SOX6: variants seen among roughly 807,000 people sequenced by gnomAD.
SOX6 encodes transcription factor SOX-6.
A neutral mutation model predicts 97.8 loss-of-function variants in SOX6; 11 were observed. That is an observed-to-expected ratio of 0.11 (90% CI 0.07 to 0.19). SOX6 has a LOEUF of 0.19. SOX6 is among the 10% of genes least tolerant of loss of function. The pLI, the probability that SOX6 is intolerant of heterozygous loss-of-function variation, is 1.00. For missense variants in SOX6, 810 were observed against 1,039.5 expected, an observed-to-expected ratio of 0.78 and a Z score of 3.04; for synonymous variants, 360 against 371.4, an observed-to-expected ratio of 0.97 and a Z score of 0.35.
chr11:16,622,708 A>G (rs1195819620), intron 3 of SOX6, among the ~76,000 whole-genome samples: 4 of 152,242 alleles, frequency 2.6e-5, no homozygotes, highest in South Asian at 4.1e-4. Flanking sequence ...TGCAATTGTG[A>G]ATTGTGCTGC....
At chr11:16,668,903 T>C (rs1040669663) in intron 3 of SOX6, among the ~76,000 whole-genome samples, 2 of 152,222 alleles carry the variant, frequency 1.3e-5, no homozygotes, top group Non-Finnish European at 2.9e-5. Flanking sequence ...CAAATATTAC[T>C]AGCATGAAGA....
intron 3 of SOX6, among the ~76,000 whole-genome samples, chr11:16,649,303 C>A (rs1849058872): frequency 6.6e-6 from 1 of 152,140 alleles, no homozygotes; most frequent in South Asian, 2.1e-4. Flanking sequence ...AGATCATCAC[C>A]TAGGCATATA....
chr11:16,378,944 T>A lies in SOX6; in HGVS notation c.-4-37692A>T, dbSNP rs928166830. Among the ~76,000 whole-genome samples the A allele has an allele frequency of 2.0e-5, 3 of 152,100 alleles. No individual in the cohort carries two copies. In the East Asian group the frequency reaches 5.8e-4, roughly 29 times the overall value. On this transcript the variant is annotated intron_variant, in intron 1 of 15. Transcript: ENST00000396356. ...GTGATAGGCTATTCTAAATATTTTT[T>A]ATATATATTCATGAATTTCATCCTT...
intron 3 of SOX6, among the ~76,000 whole-genome samples, chr11:16,268,002 C>T (rs1469826548): frequency 2.0e-5 from 3 of 151,316 alleles, no homozygotes; most frequent in Non-Finnish European, 3.0e-5. Context: ...ACTCAACTCA[C>T]AGAAGGAGAG....
At chr11:16,271,548 ATC>A (rs1168892814) in intron 3 of SOX6, among the ~76,000 whole-genome samples, 2 of 151,410 alleles carry the variant, frequency 1.3e-5, no homozygotes, top group Non-Finnish European at 3.0e-5. Context: ...ATGGAAATCA[ATC>A]TCTTTAGGCT....
chr11:16,719,515 C>T (rs892465791), intron 2 of SOX6, among the ~76,000 whole-genome samples: 2 of 152,136 alleles, frequency 1.3e-5, no homozygotes, highest in African/African-American at 2.4e-5. Flanking sequence ...ATATAATTTA[C>T]TAATTAGTAA....
intron 12 of SOX6, among the ~76,000 whole-genome samples, chr11:16,033,162 C>A (rs1451114610): frequency 6.6e-6 from 1 of 152,182 alleles, no homozygotes; most frequent in East Asian, 1.9e-4. Flanking sequence ...AAATGGTGAG[C>A]ACTTCCTACC....
chr11:16,197,377 C>A (rs192935896), intron 4 of SOX6, among the ~76,000 whole-genome samples: 1 of 152,198 alleles, frequency 6.6e-6, no homozygotes, highest in East Asian at 1.9e-4. Context: ...AACTGACCGA[C>A]AAGGGAGATT....
At chr11:16,261,159 A>G (rs892484651) in intron 3 of SOX6, among the ~76,000 whole-genome samples, 2 of 152,142 alleles carry the variant, frequency 1.3e-5, no homozygotes, top group Non-Finnish European at 2.9e-5. Context: ...AATCTTCTCT[A>G]TCAGACTATA....
chr11:16,105,912 G>A (rs190279739), intron 7 of SOX6, among the ~76,000 whole-genome samples: 21 of 151,950 alleles, frequency 1.4e-4, no homozygotes, highest in Non-Finnish European at 2.2e-4. Flanking sequence ...CATCAGCAAC[G>A]AACAACCCAA....
intron 1 of SOX6, among the ~76,000 whole-genome samples, chr11:16,457,059 A>G (rs1203363259): frequency 1.3e-5 from 2 of 152,136 alleles, no homozygotes; most frequent in African/African-American, 4.8e-5. Flanking sequence ...AAAGGGTTCA[A>G]GACTTGTGAA....
intron 9 of SOX6, among the ~76,000 whole-genome samples, chr11:16,072,046 T>G (rs901318121): frequency 6.6e-6 from 1 of 152,180 alleles, no homozygotes; most frequent in African/African-American, 2.4e-5. Flanking sequence ...TACCTTCAAA[T>G]GACCACACTA....
intron 1 of SOX6, among the ~76,000 whole-genome samples, chr11:16,454,964 T>C (rs1859787017): frequency 6.6e-6 from 1 of 152,110 alleles, no homozygotes; most frequent in Admixed American, 6.6e-5. Flanking sequence ...TCTTAGACTC[T>C]AAAGACTTAG....
intron 4 of SOX6, among the ~76,000 whole-genome samples, chr11:16,529,212 A>G (rs1388950312): frequency 7.2e-5 from 11 of 152,132 alleles, no homozygotes; most frequent in Non-Finnish European, 1.3e-4. Flanking sequence ...TTATGCCAGC[A>G]GAAAATTGTC....
upstream of SOX6, among the ~76,000 whole-genome samples, chr11:16,478,152 T>A (rs1418378739): frequency 1.3e-5 from 2 of 152,226 alleles, no homozygotes; most frequent in Admixed American, 6.5e-5. Flanking sequence ...TATAGCAAAA[T>A]GCTGTATATC....
At chr11:16,464,503 G>A (rs1028389968) in intron 1 of SOX6, among the ~76,000 whole-genome samples, 43 of 151,484 alleles carry the variant, frequency 2.8e-4, no homozygotes, top group Admixed American at 2.8e-3. Context: ...AAAGGAAGGG[G>A]AAGGGAAAAA....
At chr11:16,419,043 A>G (rs997801795) in intron 1 of SOX6, among the ~76,000 whole-genome samples, 2 of 152,144 alleles carry the variant, frequency 1.3e-5, no homozygotes, top group Non-Finnish European at 1.5e-5. Flanking sequence ...GGAATTATGG[A>G]AACTCCATGC....
chr11:16,029,659 C>T (rs1313448366), intron 12 of SOX6, among the ~76,000 whole-genome samples: 2 of 151,728 alleles, frequency 1.3e-5, no homozygotes, highest in South Asian at 2.1e-4. Flanking sequence ...AAAAAAAAAC[C>T]GATTGTCTAA....
intron 6 of SOX6, among the ~76,000 whole-genome samples, chr11:16,175,716 G>A (rs1042892572): frequency 6.6e-6 from 1 of 151,704 alleles, no homozygotes; most frequent in African/African-American, 2.4e-5. Context: ...AATTTATTCT[G>A]TTTAGAAAGT....
Sources: allele counts gnomAD v4.1 joint callset (sites outside exome capture counted in the v4.1 genomes callset), GRCh38; gene constraint gnomAD v4.1.1; transcripts MANE v1.5; gene names NCBI Gene and HGNC (gene_info 2026-07-23, HGNC 2026-07-21).